The following ANKRD30B variants were observed in gnomAD, a reference collection of about 807,000 sequenced individuals.
ANKRD30B encodes the protein ankyrin repeat domain-containing protein 30B.
A neutral mutation model predicts 202.2 loss-of-function variants in ANKRD30B; 144 were observed. The observed-to-expected ratio is 0.71, with a 90% confidence interval of 0.62 to 0.82. ANKRD30B has a LOEUF of 0.82. Among genes scored for constraint, ANKRD30B ranks in the 40% least tolerant of loss-of-function variants. The pLI is 0.00. For missense variants in ANKRD30B, 1,487 were observed against 1,669.1 expected, an observed-to-expected ratio of 0.89 and a Z score of 1.90; for synonymous variants, 508 against 561.3, an observed-to-expected ratio of 0.91 and a Z score of 1.34.
Position 14,817,392 on chromosome 18 carries a change from A to G in ANKRD30B, c.2641+2681A>G, listed in dbSNP as rs202146548. 3.4e-3 allele frequency among the ~76,000 whole-genome samples: 517 copies of G among 152,290 alleles called. 5 individuals are homozygous for G. Among genetic ancestry groups the G allele is most frequent in the African/African-American group, 0.011 (464 of 41,550 alleles). On this transcript the variant is annotated intron_variant, in intron 30 of 43. Transcript: ENST00000690538. ...AAAATAAAAGTAATAAAAAAATAAC[A>G]AAGGCAGTATTCCCCTGCTTCCTTC... is the stretch of plus-strand genomic sequence containing the variant.
the ANKRD30B span, among the ~76,000 whole-genome samples, chr18:14,865,631 A>T: frequency 1.4e-5 from 2 of 147,612 alleles, no homozygotes; most frequent in Non-Finnish European, 3.0e-5. Context: ...TTTTTTCCCA[A>T]CATCTTTTCC....
chr18:14,791,545 G>C, intron 16 of ANKRD30B, 54 bp downstream of exon 16: 1 of 1,365,662 alleles, frequency 7.3e-7, no homozygotes, highest in Non-Finnish European at 1.0e-6. Flanking sequence ...TATCTAAACT[G>C]ATGAGGAAGG....
the ANKRD30B span, among the ~76,000 whole-genome samples, chr18:14,879,819 G>T: frequency 6.6e-6 from 1 of 151,924 alleles, no homozygotes; most frequent in Non-Finnish European, 1.5e-5. Context: ...AGGGTCAGGG[G>T]TCCCACTTTG....
chr18:14,784,310 G>C lies in ANKRD30B; in HGVS notation c.1571-26G>C, dbSNP rs774769480. On this transcript the variant is annotated intron_variant, in intron 12 of 43. Transcript: ENST00000690538. The stretch of plus-strand genomic sequence containing the variant: ...GGCTTTGTCATATTTACTTATGATT[G>C]ATGATAAATCTCTTTTGCATTTTAG... 2.7e-5 allele frequency: 44 copies of C among 1,606,946 alleles called. No homozygotes were observed. In the African/African-American group the frequency reaches 4.8e-4, roughly 18 times the overall value.
At position 14,822,725 on chromosome 18, in the gene ANKRD30B, T is replaced by C. The variant is rs1245305948; in HGVS notation, c.2743+48T>C. The C allele has an allele frequency of 4.2e-6, 5 of 1,196,286 alleles. No individual in the cohort carries two copies. In the East Asian group the frequency reaches 8.0e-5, roughly 19 times the overall value. 74.1% of individuals were successfully genotyped at this position (1,196,286 alleles called of 1,614,324 possible). A position where few individuals can be genotyped will look rare whatever the true frequency, so the allele number is the denominator to read the frequency against. On this transcript the variant is annotated intron_variant, in intron 32 of 43. Transcript: ENST00000690538. ...TACTGTGGAATTAAGAACATTAAAA[T>C]ATTTGAAGTGCCAAGAGCCTTTTTA...
At chr18:14,905,752 G>A in the ANKRD30B span, 1 of 152,166 alleles carries the variant, frequency 6.6e-6, no homozygotes, top group Admixed American at 6.5e-5. Flanking sequence ...ATATTTTGAA[G>A]TAAAGTGTGT....
intron 9 of ANKRD30B, among the ~76,000 whole-genome samples, chr18:14,775,416 A>C (rs1282179542): frequency 6.6e-6 from 1 of 152,226 alleles, no homozygotes; most frequent in Non-Finnish European, 1.5e-5. Context: ...AATTGGATTC[A>C]GGGAGAAAGA....
intron 3 of ANKRD30B, among the ~76,000 whole-genome samples, chr18:14,753,949 T>C (rs1384258544): frequency 6.6e-6 from 1 of 151,198 alleles, no homozygotes; most frequent in Non-Finnish European, 1.5e-5. Flanking sequence ...GCAATTACAA[T>C]AGCAACCAGA....
rs1212826072 is a variant in ANKRD30B at position 14,784,457 on chromosome 18, A to G, written c.1600-6A>G. 6.2e-7 allele frequency: 1 copy of G among 1,613,348 alleles called. No individual in the cohort carries two copies. Among genetic ancestry groups the G allele is most frequent in the South Asian group, 1.1e-5 (1 of 91,054 alleles). On this transcript the variant is annotated splice_polypyrimidine_tract_variant and splice_region_variant and intron_variant, in intron 13 of 43. Transcript: ENST00000690538. ...TATTGATCATTTTTCTTCCAAACCC[A>G]TTTAGCCTGCCGTTGAAATGCAAAA...
chr18:14,754,977 A>C lies in ANKRD30B; in HGVS notation c.589A>C (p.Asn197His). 3 of 1,543,482 alleles carry C rather than the reference A, an allele frequency of 1.9e-6. No homozygotes were observed. Among genetic ancestry groups the C allele is most frequent in the Non-Finnish European group, 2.6e-6 (3 of 1,143,816 alleles). ...TVEFLLTKNANANAFNESKCT... is the reference protein window; with the variant it reads ...TVEFLLTKNAHANAFNESKCT... ...GGAATTTTTACTAACAAAAAATGCA[A>C]ATGCAAACGCATTTAATGAGTCTAA... The change falls in exon 4 of 44, where the codon AAT (asparagine) becomes CAT (histidine). Residue 197 changes from asparagine to histidine, a missense_variant. Physicochemically the swap from Asn to His is moderately conservative, Grantham distance 68. Transcript: ENST00000690538.
chr18:14,937,610 G>C, the ANKRD30B span, among the ~76,000 whole-genome samples: 3 of 151,728 alleles, frequency 2.0e-5, no homozygotes, highest in Non-Finnish European at 2.9e-5. Context: ...GAGGGGTGTT[G>C]CCAGGTTCCT....
chr18:14,850,441 T>G, intron 41 of ANKRD30B, 59 bp downstream of exon 41: 1 of 1,399,766 alleles, frequency 7.1e-7, no homozygotes, highest in Non-Finnish European at 9.5e-7. Flanking sequence ...AGTATTACTT[T>G]TAACATCCCT....
chr18:14,816,554 G>A (rs1328363731), intron 30 of ANKRD30B: 6 of 151,122 alleles, frequency 4.0e-5, no homozygotes, highest in Non-Finnish European at 8.8e-5. Context: ...GCTGAGGCAG[G>A]AGAATGTGAG....
At chr18:14,839,354 A>G (rs1452435932) in intron 36 of ANKRD30B, among the ~76,000 whole-genome samples, 4 of 152,160 alleles carry the variant, frequency 2.6e-5, no homozygotes, top group African/African-American at 7.2e-5. Context: ...CTCCCATCTC[A>G]AAGATGAGGA....
the ANKRD30B span, among the ~76,000 whole-genome samples, chr18:14,914,485 G>T: frequency 2.6e-5 from 4 of 152,298 alleles, no homozygotes; most frequent in East Asian, 7.7e-4. Context: ...GGACAGTGAA[G>T]ATAACTGATG....
At position 14,852,131 on chromosome 18, in the gene ANKRD30B, A is replaced by G; in HGVS notation, c.4187A>G (p.Lys1396Arg). 1 of 1,601,014 alleles carries G rather than the reference A, an allele frequency of 6.2e-7. No individual in the cohort carries two copies. Among genetic ancestry groups the G allele is most frequent in the Non-Finnish European group, 8.5e-7 (1 of 1,173,404 alleles). ...DRCETQCQMK[K>R]AEHMYQNEQD... ...TGTGAAACACAGTGTCAAATGAAGA[A>G]AGCTGAACACATGTATCAAAATGAA... Residue 1396 changes from lysine to arginine, a missense_variant, in exon 42 of 44, where the codon AAA becomes AGA. Coordinates refer to ENST00000690538, the MANE Select transcript of ANKRD30B (RefSeq NM_001367607.2).
the ANKRD30B span, among the ~76,000 whole-genome samples, chr18:14,860,385 G>C: frequency 9.0e-6 from 1 of 111,350 alleles, no homozygotes; most frequent in African/African-American, 3.5e-5. Flanking sequence ...TTCCCAGAGG[G>C]GGTGGCCGGG....
chr18:14,764,057 A>G lies in ANKRD30B; in HGVS notation c.1192A>G (p.Thr398Ala). ...AACATCTAATATGATTGCATGTCCT[A>G]CAAAAGAAACATCTACAAAAGCAAG... ...KGTSNMIACP[T>A]KETSTKASTN... Residue 398 changes from threonine to alanine, a missense_variant, in exon 7 of 44, where the codon ACA becomes GCA. Transcript: ENST00000690538. The G allele has an allele frequency of 1.3e-6, 2 of 1,543,488 alleles. No individual in the cohort carries two copies. The highest frequency in any genetic ancestry group is 8.7e-7 in the Non-Finnish European group (1 of 1,151,778).
rs573715815 is a variant in ANKRD30B at position 14,799,153 on chromosome 18, T to G, written c.2058+24T>G. ...AGGTAATAACTTTTATATTTTTATC[T>G]TGAATATTACCTACATATTTTATGA... On this transcript the variant is annotated intron_variant, in intron 21 of 43. Coordinates refer to ENST00000690538, the MANE Select transcript of ANKRD30B (RefSeq NM_001367607.2). The G allele has an allele frequency of 8.1e-4, 1,294 of 1,589,470 alleles. 9 individuals are homozygous for G. Among genetic ancestry groups the G allele is most frequent in the Non-Finnish European group, 1.1e-3 (1,240 of 1,161,122 alleles).
Sources: gnomAD v4.1 joint callset for allele counts (sites outside exome capture counted in the v4.1 genomes callset) on GRCh38, gnomAD v4.1.1 for gene constraint, MANE v1.5 for transcripts, NCBI Gene and HGNC (gene_info 2026-07-23, HGNC 2026-07-21) for gene names.